The following MBNL1 variants were observed in gnomAD, a reference collection of about 807,000 sequenced individuals.
The protein encoded by MBNL1 is muscleblind like splicing regulator 1.
Under a neutral mutation model 42.2 loss-of-function variants are expected in MBNL1, and 8 were observed. The observed-to-expected ratio is 0.19, with a 90% confidence interval of 0.11 to 0.34. The LOEUF is 0.34. Among genes scored for constraint, MBNL1 ranks in the 10% least tolerant of loss-of-function variants. The probability of loss-of-function intolerance (pLI) is 1.00; values close to 1 mark genes in which losing one functional copy is unlikely to be tolerated. For missense variants in MBNL1, 309 were observed against 495.3 expected, an observed-to-expected ratio of 0.62 and a Z score of 3.57; for synonymous variants, 169 against 173.9, an observed-to-expected ratio of 0.97 and a Z score of 0.22.
intron 2 of MBNL1, among the ~76,000 whole-genome samples, chr3:152,395,279 C>G (rs2097883013): frequency 6.6e-6 from 1 of 152,136 alleles, no homozygotes; most frequent in Non-Finnish European, 1.5e-5. Context: ...GTTATTGCTT[C>G]AAGGTTAACG....
At chr3:152,335,987 C>T (rs546053215) in intron 2 of MBNL1, among the ~76,000 whole-genome samples, 3 of 152,176 alleles carry the variant, frequency 2.0e-5, no homozygotes, top group East Asian at 1.9e-4. Flanking sequence ...GTGGCACTAC[C>T]GGACAGTAAG....
At chr3:152,378,647 G>T (rs1380205759) in intron 2 of MBNL1, among the ~76,000 whole-genome samples, 1 of 152,042 alleles carries the variant, frequency 6.6e-6, no homozygotes, top group Non-Finnish European at 1.5e-5. Context: ...ATAATATCAA[G>T]AAATCATACC....
chr3:152,257,221 C>T lies in MBNL1; in HGVS notation n.333+12781C>T, dbSNP rs190487744. 2.0e-5 allele frequency among the ~76,000 whole-genome samples: 3 copies of T among 152,190 alleles called. No individual in the cohort carries two copies. The East Asian group carries it at 5.8e-4, about 29-fold the overall frequency. Reference sequence around the variant, plus strand: ...TTAGAGAGCACTCCTGAAATATAAGCCACTTCCTGACCTGGGCATATTAAC... The same window carrying T: ...TTAGAGAGCACTCCTGAAATATAAGTCACTTCCTGACCTGGGCATATTAAC... On this transcript the variant is annotated intron_variant and non_coding_transcript_variant, in intron 2 of 2. Transcript: ENST00000477171.
At chr3:152,287,162 C>A (rs2052978733) in intron 1 of MBNL1, among the ~76,000 whole-genome samples, 1 of 151,316 alleles carries the variant, frequency 6.6e-6, no homozygotes, top group South Asian at 2.1e-4. Context: ...TTGCAGTGAG[C>A]CGAGATCACA....
At chr3:152,267,522 G>C (rs13061760), upstream of MBNL1, 1 of 152,222 alleles carries the variant, frequency 6.6e-6, no homozygotes, top group Non-Finnish European at 1.5e-5. Context: ...GGAAGTCTTC[G>C]TAGCTTGGGG....
chr3:152,462,871 G>C lies in MBNL1; in HGVS notation c.*505G>C, dbSNP rs1432469436. 6.6e-6 allele frequency: 1 copy of C among 152,438 alleles called. No homozygotes were observed. The highest frequency in any genetic ancestry group is 2.4e-5 in the African/African-American group (1 of 41,416). 9.4% of individuals were successfully genotyped at this position (152,438 alleles called of 1,614,324 possible). On this transcript the variant is annotated 3_prime_UTR_variant, in exon 10 of 10. Transcript: ENST00000324210. ...TTATAGATGAGAGCGTGCATGCACAGTCATTTTTGTTTAAGAGTAATATTT... is the reference window on the plus strand; with the variant it reads ...TTATAGATGAGAGCGTGCATGCACACTCATTTTTGTTTAAGAGTAATATTT...
intron 2 of MBNL1, among the ~76,000 whole-genome samples, chr3:152,356,016 A>G (rs1303096418): frequency 2.0e-5 from 3 of 152,204 alleles, no homozygotes; most frequent in Non-Finnish European, 4.4e-5. Context: ...TTAAAGAGAA[A>G]GGCAAAATTG....
intron 6 of MBNL1, among the ~76,000 whole-genome samples, chr3:152,450,119 C>A (rs796860995): frequency 1.7e-3 from 218 of 131,768 alleles, no homozygotes; most frequent in African/African-American, 5.2e-3. Context: ...AAAAAAAAAA[C>A]CACACAAAAC....
At chr3:152,382,570 A>T (rs1017673752) in intron 2 of MBNL1, among the ~76,000 whole-genome samples, 1 of 152,264 alleles carries the variant, frequency 6.6e-6, no homozygotes, top group Non-Finnish European at 1.5e-5. Flanking sequence ...TTTCATTATG[A>T]TAGCACTTAT....
chr3:152,392,174 A>G (rs941049977), intron 2 of MBNL1, among the ~76,000 whole-genome samples: 4 of 152,182 alleles, frequency 2.6e-5, no homozygotes, highest in Non-Finnish European at 4.4e-5. Flanking sequence ...GTAGTGCAAC[A>G]TGAACAGAAA....
At chr3:152,379,111 T>A (rs1046146650) in intron 2 of MBNL1, among the ~76,000 whole-genome samples, 1 of 152,198 alleles carries the variant, frequency 6.6e-6, no homozygotes, top group Non-Finnish European at 1.5e-5. Context: ...CATTAACAAA[T>A]AATCTCAAAC....
At chr3:152,320,545 TG>T (rs2075812628) in intron 2 of MBNL1, among the ~76,000 whole-genome samples, 1 of 152,154 alleles carries the variant, frequency 6.6e-6, no homozygotes, top group Non-Finnish European at 1.5e-5. Flanking sequence ...ACAGTTATTT[TG>T]GTGACAGTAT....
At chr3:152,266,492 A>G (rs2037246478), upstream of MBNL1, 1 of 152,182 alleles carries the variant, frequency 6.6e-6, no homozygotes, top group African/African-American at 2.4e-5. Flanking sequence ...ACCCACATGA[A>G]AAAAGAACAC....
intron 3 of MBNL1, among the ~76,000 whole-genome samples, chr3:152,420,367 C>A (rs2098783847): frequency 1.3e-5 from 2 of 152,310 alleles, no homozygotes; most frequent in African/African-American, 4.8e-5. Context: ...TATAGGAAAG[C>A]TCCAGCTGGC....
chr3:152,286,091 T>G (rs2051532141), intron 1 of MBNL1, among the ~76,000 whole-genome samples: 1 of 151,638 alleles, frequency 6.6e-6, no homozygotes, highest in African/African-American at 2.4e-5. Context: ...ATTTTTAGTT[T>G]TATCCAGGAT....
At chr3:152,419,690 T>G (rs893024217) in intron 3 of MBNL1, among the ~76,000 whole-genome samples, 5 of 23,064 alleles carry the variant, frequency 2.2e-4, no homozygotes, top group African/African-American at 7.3e-4. Context: ...AGTTTTTTTG[T>G]TTGTTTGTTT....
chr3:152,376,435 ACT>A (rs1229511332), intron 2 of MBNL1, among the ~76,000 whole-genome samples: 6 of 152,118 alleles, frequency 3.9e-5, no homozygotes, highest in African/African-American at 1.4e-4. Flanking sequence ...TCATAGTTAG[ACT>A]CTCTTAAAAA....
intron 3 of MBNL1, among the ~76,000 whole-genome samples, chr3:152,431,918 C>T (rs2099012537): frequency 6.7e-6 from 1 of 149,592 alleles, no homozygotes; most frequent in Non-Finnish European, 1.5e-5. Flanking sequence ...AGAAACAATC[C>T]TTATATATCC....
At chr3:152,270,041 C>T (rs558356485) in intron 1 of MBNL1, among the ~76,000 whole-genome samples, 5 of 151,832 alleles carry the variant, frequency 3.3e-5, no homozygotes, top group Non-Finnish European at 7.4e-5. Context: ...CTTCCCCTCG[C>T]ACAGCACTTT....
Sources: gnomAD v4.1 joint callset for allele counts (sites outside exome capture counted in the v4.1 genomes callset) on GRCh38, gnomAD v4.1.1 for gene constraint, MANE v1.5 for transcripts, NCBI Gene and HGNC (gene_info 2026-07-23, HGNC 2026-07-21) for gene names.